The following FASTKD2 variants were observed in gnomAD, a reference collection of about 807,000 sequenced individuals.
The protein encoded by FASTKD2 is FAST kinase domains 2, also known as FAST kinase domain-containing protein 2, mitochondrial.
FASTKD2 carries 51 observed loss-of-function variants against 63.6 expected under a neutral mutation model. That is an observed-to-expected ratio of 0.80 (90% CI 0.64 to 1.01). The LOEUF is 1.01. FASTKD2 is among the 50% of genes least tolerant of loss of function. The probability of loss-of-function intolerance (pLI) is 0.00; values close to 1 mark genes in which losing one functional copy is unlikely to be tolerated. For synonymous variants in FASTKD2, 284 were observed against 293.4 expected, an observed-to-expected ratio of 0.97 and a Z score of 0.33; for missense variants, 786 against 831.1, an observed-to-expected ratio of 0.95 and a Z score of 0.67.
Position 206,774,408 on chromosome 2 carries a change from G to GTTT in FASTKD2, c.1427+18_1427+20dup. 2 of 1,530,042 alleles carry GTTT rather than the reference G, an allele frequency of 1.3e-6. No homozygotes were observed. The highest frequency in any genetic ancestry group is 1.8e-6 in the Non-Finnish European group (2 of 1,113,532). 94.8% of individuals were successfully genotyped at this position (1,530,042 alleles called of 1,614,324 possible). ...ATGCCAGAACAAAGAGTATGTACTT[G>GTTT]TTTTTTTTTACCTTTTTTATTGCCA... On this transcript the variant is annotated intron_variant, in intron 7 of 11. Transcript: ENST00000402774.
In FASTKD2 at chr2:206,786,846, C is replaced by T; in HGVS notation, c.1541C>T (p.Ala514Val). 6.2e-7 allele frequency: 1 copy of T among 1,613,384 alleles called. No homozygotes were observed. The highest frequency in any genetic ancestry group is 8.5e-7 in the Non-Finnish European group (1 of 1,179,510). Residue 514 changes from alanine (A) to valine (V), a missense_variant, in exon 8 of 12, where the codon GCT (alanine) becomes GTT (valine). Physicochemically the swap from Ala to Val is moderately conservative, Grantham distance 64 (BLOSUM62 0). Coordinates refer to ENST00000402774, the MANE Select transcript of FASTKD2 (RefSeq NM_001136193.2). ...SFCLMNYFPL[A>V]PFNQLLQKDI... ...TGCTTGATGAATTACTTTCCCCTGG[C>T]TCCTTTTAATCAGCTTCTGCAAAAA... is the stretch of plus-strand genomic sequence containing the variant.
At chr2:206,778,677 G>A (rs1322386012) in intron 7 of FASTKD2, among the ~76,000 whole-genome samples, 9 of 151,724 alleles carry the variant, frequency 5.9e-5, no homozygotes, top group Admixed American at 5.9e-4. Flanking sequence ...TGTAGCAGGG[G>A]ACCCCAGCCC....
At position 206,772,052 on chromosome 2, in the gene FASTKD2, C is replaced by G. The variant is rs201764916; in HGVS notation, c.1114+35C>G. On this transcript the variant is annotated intron_variant, in intron 5 of 11. Coordinates refer to ENST00000402774, the MANE Select transcript of FASTKD2 (RefSeq NM_001136193.2). ...ATTTTTCTTTCATCATTTGCAATAC[C>G]TGAGCTTCTGTTTTAGACTATTTTT... 37 of 1,610,314 alleles carry G rather than the reference C, an allele frequency of 2.3e-5. No individual in the cohort carries two copies. The East Asian group carries it at 8.3e-4, about 36-fold the overall frequency.
chr2:206,790,358 T>A (rs1053987882), intron 10 of FASTKD2: 2 of 485,842 alleles, frequency 4.1e-6, no homozygotes, highest in African/African-American at 3.9e-5. Flanking sequence ...GAGAGGTAAC[T>A]GTGTATAATG....
chr2:206,791,421 T>C, intron 11 of FASTKD2: 1 of 440,088 alleles, frequency 2.3e-6, no homozygotes, highest in Admixed American at 3.9e-5. Context: ...TGATTATATA[T>C]ATTCTAAGGA....
chr2:206,774,672 A>G (rs1689775978), intron 7 of FASTKD2, among the ~76,000 whole-genome samples: 1 of 152,068 alleles, frequency 6.6e-6, no homozygotes, highest in Non-Finnish European at 1.5e-5. Flanking sequence ...TTATCCTCGT[A>G]GCTCCTAAGT....
At chr2:206,789,075 C>A in intron 10 of FASTKD2, 172 bp downstream of exon 10, 1 of 623,440 alleles carries the variant, frequency 1.6e-6, no homozygotes, top group South Asian at 1.8e-5. Context: ...TAAATGTGGA[C>A]GTTATGGTTG....
At position 206,767,020 on chromosome 2, in the gene FASTKD2, T is replaced by C. The variant is rs1313464689; in HGVS notation, c.327T>C (p.Ala109=). 3 of 1,613,826 alleles carry C rather than the reference T, an allele frequency of 1.9e-6. No homozygotes were observed. The Admixed American group carries it at 5.0e-5, about 27-fold the overall frequency. ...TTAGAATTGAAAGACTACTTTATGC[T>C]AAAAGACTGTTTTTTGACTCAAAGC... ...TALRIERLLY[A]KRLFFDSKQS... is the part of the protein sequence containing the mutation. The change falls in exon 2 of 12, where the codon GCT becomes GCC. Residue 109 remains alanine (A), a synonymous_variant. Coordinates refer to ENST00000402774, the MANE Select transcript of FASTKD2 (RefSeq NM_001136193.2).
rs548049196 is a variant in FASTKD2, at chr2:206,785,614, C to T, written c.1428-1119C>T. Among the ~76,000 whole-genome samples, 296 of 152,256 alleles carry T rather than the reference C, an allele frequency of 1.9e-3. 3 individuals are homozygous for T. Among genetic ancestry groups the T allele is most frequent in the Non-Finnish European group, 3.6e-3 (244 of 68,016 alleles). ...GAGGGGGGATCATTACCCAGGCTCC[C>T]AACTTCCTTGTCCACACCATCCCCT... On this transcript the variant is annotated intron_variant, in intron 7 of 11. Coordinates refer to ENST00000402774, the MANE Select transcript of FASTKD2 (RefSeq NM_001136193.2).
chr2:206,784,549 T>C (rs1690086479), intron 7 of FASTKD2, among the ~76,000 whole-genome samples: 2 of 152,204 alleles, frequency 1.3e-5, no homozygotes, highest in African/African-American at 2.4e-5. Flanking sequence ...CTCTGTTGTT[T>C]TGGTCCTTTG....
chr2:206,795,834 G>A lies in FASTKD2; in HGVS notation c.*4032G>A, dbSNP rs944585043. 2.0e-5 allele frequency among the ~76,000 whole-genome samples: 3 copies of A among 152,194 alleles called. No homozygotes were observed. Among genetic ancestry groups the A allele is most frequent in the African/African-American group, 7.2e-5 (3 of 41,426 alleles). On this transcript the variant is annotated 3_prime_UTR_variant, in exon 12 of 12. Coordinates refer to ENST00000402774, the MANE Select transcript of FASTKD2 (RefSeq NM_001136193.2). ...ACGAGGAGCATCCATTTTGCTGGTG[G>A]GGATTGTGGCTAAAATAATGTGGCT...
intron 7 of FASTKD2, among the ~76,000 whole-genome samples, chr2:206,784,057 CA>C (rs1177873589): frequency 2.6e-5 from 4 of 152,330 alleles, no homozygotes; most frequent in African/African-American, 9.6e-5. Flanking sequence ...CCCACCTCAA[CA>C]TTTCTCCAAA....
Position 206,766,639 on chromosome 2 carries a change from T to C in FASTKD2, c.-50-5T>C. 1 of 1,435,494 alleles carries C rather than the reference T, an allele frequency of 7.0e-7. No homozygotes were observed. The highest frequency in any genetic ancestry group is 9.8e-7 in the Non-Finnish European group (1 of 1,017,984). 88.9% of individuals were successfully genotyped at this position (1,435,494 alleles called of 1,614,324 possible). A position where few individuals can be genotyped will look rare whatever the true frequency, so the allele number is the denominator to read the frequency against. ...TTATTCTTTTCATTACTTCTTCCCC[T>C]ACAGGAAAACGACAGCACGTGTTCT... On this transcript the variant is annotated splice_polypyrimidine_tract_variant and splice_region_variant and intron_variant, in intron 1 of 11. Transcript: ENST00000402774.
intron 6 of FASTKD2, 143 bp from the exon 7 acceptor site, chr2:206,774,082 C>A: frequency 1.6e-6 from 1 of 608,902 alleles, no homozygotes; most frequent in Non-Finnish European, 2.9e-6. Context: ...ATGATTGTTC[C>A]TTTTCATGGA....
chr2:206,782,402 T>G (rs925456236), intron 7 of FASTKD2, among the ~76,000 whole-genome samples: 1 of 152,240 alleles, frequency 6.6e-6, no homozygotes, highest in African/African-American at 2.4e-5. Context: ...AAATCAGTGT[T>G]TCTGAGAAGC....
At chr2:206,772,093 C>T in intron 5 of FASTKD2, 76 bp downstream of exon 5, 1 of 1,597,728 alleles carries the variant, frequency 6.3e-7, no homozygotes, top group Non-Finnish European at 8.6e-7. Context: ...GTTTTAAAAA[C>T]TTTGCTTTTA....
At chr2:206,791,412 G>A in intron 11 of FASTKD2, 1 of 412,014 alleles carries the variant, frequency 2.4e-6, no homozygotes, top group Non-Finnish European at 4.4e-6. Flanking sequence ...TTATATTGCT[G>A]ATTATATATA....
At chr2:206,789,007 A>T (rs1255096890) in intron 10 of FASTKD2, 104 bp downstream of exon 10, 2 of 720,732 alleles carry the variant, frequency 2.8e-6, no homozygotes, top group Non-Finnish European at 5.0e-6. Context: ...TGATGTTTGT[A>T]TGGAGCCTGC....
At chr2:206,786,637 C>G (rs1361221236) in intron 7 of FASTKD2, 96 bp from the exon 8 acceptor site, 3 of 1,067,606 alleles carry the variant, frequency 2.8e-6, no homozygotes, top group Non-Finnish European at 2.9e-6. Flanking sequence ...TGGATACTTA[C>G]TTGCAAGGCT....
Sources: allele counts gnomAD v4.1 joint callset (sites outside exome capture counted in the v4.1 genomes callset), GRCh38; gene constraint gnomAD v4.1.1; transcripts MANE v1.5; gene names NCBI Gene and HGNC (gene_info 2026-07-23, HGNC 2026-07-21).